LIMD1: variants seen among roughly 807,000 people sequenced by gnomAD.
LIMD1 encodes the protein LIM domain containing 1.
LIMD1 carries 23 observed loss-of-function variants against 58.4 expected under a neutral mutation model. That is an observed-to-expected ratio of 0.39 (90% CI 0.28 to 0.56). The LOEUF (loss-of-function observed/expected upper bound fraction) is 0.56, where lower values mean the gene tolerates loss of function less well. Among genes scored for constraint, LIMD1 ranks in the 20% least tolerant of loss-of-function variants. The probability of loss-of-function intolerance (pLI) is 0.57; values close to 1 mark genes in which losing one functional copy is unlikely to be tolerated. For missense variants in LIMD1, 838 were observed against 855.5 expected (o/e 0.98, Z 0.25); for synonymous variants, 334 against 345.5 (o/e 0.97, Z 0.37).
chr3:45,611,780 A>G (rs887528741), intron 1 of LIMD1, among the ~76,000 whole-genome samples: 1 of 152,168 alleles, frequency 6.6e-6, no homozygotes, highest in Non-Finnish European at 1.5e-5. Context: ...GGACTTACAC[A>G]GAGGCTCTTT....
intron 2 of LIMD1, among the ~76,000 whole-genome samples, chr3:45,651,223 C>T (rs1701971881): frequency 6.6e-6 from 1 of 152,144 alleles, no homozygotes. Context: ...TTTGTAGATT[C>T]TGGATATTAG....
intron 1 of LIMD1, among the ~76,000 whole-genome samples, chr3:45,622,210 G>C (rs1281013620): frequency 6.6e-6 from 1 of 152,142 alleles, no homozygotes; most frequent in African/African-American, 2.4e-5. Context: ...CTGCTCCGCT[G>C]TCCTCCAGCC....
intron 2 of LIMD1, among the ~76,000 whole-genome samples, chr3:45,649,736 A>G (rs1193386420): frequency 6.9e-6 from 1 of 145,384 alleles, no homozygotes; most frequent in Non-Finnish European, 1.5e-5. Context: ...TTATATAGAT[A>G]TATTTATATA....
At chr3:45,662,995 AC>A (rs1271431002) in intron 2 of LIMD1, among the ~76,000 whole-genome samples, 2 of 152,008 alleles carry the variant, frequency 1.3e-5, no homozygotes, top group East Asian at 1.9e-4. Flanking sequence ...AAAAAAAAAA[AC>A]AAAACAGTAC....
chr3:45,657,434 G>C (rs969493914), intron 2 of LIMD1, among the ~76,000 whole-genome samples: 13 of 151,804 alleles, frequency 8.6e-5, no homozygotes, highest in African/African-American at 2.9e-4. Flanking sequence ...GCCAAGGCGG[G>C]AGGATTGCTG....
rs577282181 is a variant in LIMD1, at chr3:45,615,209, A to G, written c.1408+18922A>G. 9.8e-5 allele frequency among the ~76,000 whole-genome samples: 15 copies of G among 152,348 alleles called. No individual in the cohort carries two copies. The South Asian group carries it at 3.1e-3, about 32-fold the overall frequency. On this transcript the variant is annotated intron_variant, in intron 1 of 7. Coordinates refer to ENST00000273317, the MANE Select transcript of LIMD1 (RefSeq NM_014240.3). ...TGAACAAAGAGAGGCATTTGTGGGA[A>G]AGTAACCAAATTATGTGGGGAGGCT...
At position 45,595,235 on chromosome 3, in the gene LIMD1, C is replaced by T. The variant is rs1701332368; in HGVS notation, c.356C>T (p.Thr119Ile). The T allele has an allele frequency of 6.2e-7, 1 of 1,603,780 alleles. No individual in the cohort carries two copies. Among genetic ancestry groups the T allele is most frequent in the African/African-American group, 1.3e-5 (1 of 74,928 alleles). ...ACAGGGGCACCTGGGGCAGTCACCACCCTCGCTGCTGGGCAGCCCCCGTAC... is the reference window on the plus strand; with the variant it reads ...ACAGGGGCACCTGGGGCAGTCACCATCCTCGCTGCTGGGCAGCCCCCGTAC... The part of the protein sequence containing the change: ...ASTGAPGAVT[T>I]LAAGQPPYPP... The change falls in exon 1 of 8, where the codon ACC becomes ATC. Residue 119 changes from threonine (T) to isoleucine (I), a missense_variant. Coordinates refer to ENST00000273317, the MANE Select transcript of LIMD1 (RefSeq NM_014240.3).
At chr3:45,603,833 C>T (rs1294964952) in intron 1 of LIMD1, among the ~76,000 whole-genome samples, 2 of 152,080 alleles carry the variant, frequency 1.3e-5, no homozygotes, top group African/African-American at 4.8e-5. Context: ...AGGCAATCTT[C>T]CTAAGTCAGG....
intron 1 of LIMD1, 132 bp downstream of exon 1, chr3:45,596,419 G>A (rs1701353278): frequency 5.5e-6 from 4 of 728,414 alleles, no homozygotes; most frequent in Non-Finnish European, 9.0e-6. Flanking sequence ...TTATTTTTTT[G>A]TTTTGGGCTT....
At chr3:45,610,169 G>A (rs1459018934) in intron 1 of LIMD1, among the ~76,000 whole-genome samples, 1 of 152,202 alleles carries the variant, frequency 6.6e-6, no homozygotes, top group Admixed American at 6.5e-5. Context: ...GGGCAACAGA[G>A]CAAGGCTCTG....
At chr3:45,657,828 A>C (rs1697357819) in intron 2 of LIMD1, among the ~76,000 whole-genome samples, 1 of 152,208 alleles carries the variant, frequency 6.6e-6, no homozygotes, top group South Asian at 2.1e-4. Context: ...GTGTGATTTC[A>C]AGTGATTCCC....
intron 2 of LIMD1, among the ~76,000 whole-genome samples, chr3:45,646,058 C>A (rs1701902227): frequency 6.6e-6 from 1 of 151,418 alleles, no homozygotes; most frequent in South Asian, 2.1e-4. Context: ...GATTTAGGAA[C>A]CAGAGGCTTT....
chr3:45,675,895 A>G (rs138294644), intron 7 of LIMD1, among the ~76,000 whole-genome samples: 1 of 152,180 alleles, frequency 6.6e-6, no homozygotes, highest in Non-Finnish European at 1.5e-5. Flanking sequence ...TCAGCTACTT[A>G]GGAAGCTAGG....
At chr3:45,609,281 C>G (rs1467064569) in intron 1 of LIMD1, among the ~76,000 whole-genome samples, 1 of 152,176 alleles carries the variant, frequency 6.6e-6, no homozygotes, top group African/African-American at 2.4e-5. Flanking sequence ...TTGGAGAATC[C>G]CTGTCCCTTG....
At chr3:45,676,115 G>C (rs1391148727) in intron 7 of LIMD1, among the ~76,000 whole-genome samples, 2 of 152,040 alleles carry the variant, frequency 1.3e-5, no homozygotes, top group African/African-American at 2.4e-5. Context: ...GTGTTGGCGC[G>C]TGCATAATCC....
intron 2 of LIMD1, among the ~76,000 whole-genome samples, chr3:45,640,026 G>C (rs1054420608): frequency 6.6e-6 from 1 of 152,240 alleles, no homozygotes; most frequent in Admixed American, 6.5e-5. Flanking sequence ...TTGCAGATGA[G>C]TCTGTGGGTT....
intron 1 of LIMD1, among the ~76,000 whole-genome samples, chr3:45,613,756 C>CT (rs1395550629): frequency 2.0e-5 from 3 of 151,800 alleles, no homozygotes; most frequent in African/African-American, 7.3e-5. Context: ...CCTTGGCCTC[C>CT]TAAAGTGCTG....
chr3:45,594,828 C>CACACACACAA lies in LIMD1; in HGVS notation c.-43_-42insAACACACACA. ...ACACACACACACACACACACACACA[C>CACACACACAA]ACACACACACACACACGGCACCTGG... On this transcript the variant is annotated 5_prime_UTR_variant, in exon 1 of 8. Coordinates refer to ENST00000273317, the MANE Select transcript of LIMD1 (RefSeq NM_014240.3). The CACACACACAA allele has an allele frequency of 1.1e-6, 1 of 894,982 alleles. No individual in the cohort carries two copies. The highest frequency in any genetic ancestry group is 1.6e-5 in the South Asian group (1 of 62,516). The allele number at this position is 894,982 out of a possible 1,614,324, so 55.4% of individuals were successfully genotyped here. A position where few individuals can be genotyped will look rare whatever the true frequency, so the allele number is the denominator to read the frequency against.
intron 1 of LIMD1, among the ~76,000 whole-genome samples, chr3:45,617,034 ATTT>A (rs35895557): frequency 3.5e-5 from 4 of 114,130 alleles, no homozygotes; most frequent in Admixed American, 9.5e-5. Flanking sequence ...TGCCTGGCCT[ATTT>A]TTTTTTTTTT....
Sources: allele counts gnomAD v4.1 joint callset (sites outside exome capture counted in the v4.1 genomes callset), GRCh38; gene constraint gnomAD v4.1.1; transcripts MANE v1.5; gene names NCBI Gene and HGNC (gene_info 2026-07-23, HGNC 2026-07-21).